SCHIP1: variants seen among roughly 807,000 people sequenced by gnomAD.
The protein encoded by SCHIP1 is schwannomin-interacting protein 1.
In SCHIP1, 8 loss-of-function variants were observed where a neutral mutation model predicts 29.7. The ratio of observed to expected loss-of-function variants is 0.27; its 90% confidence interval spans 0.16 to 0.49. The LOEUF (loss-of-function observed/expected upper bound fraction) is 0.49. Among genes scored for constraint, SCHIP1 ranks in the 20% least tolerant of loss-of-function variants. The pLI, the probability that SCHIP1 is intolerant of heterozygous loss-of-function variation, is 0.99. For synonymous variants in SCHIP1, 76 were observed against 94.9 expected, an observed-to-expected ratio of 0.80 and a Z score of 1.16; for missense variants, 193 against 294.6, an observed-to-expected ratio of 0.66 and a Z score of 2.52.
the SCHIP1 span, among the ~76,000 whole-genome samples, chr3:159,552,237 G>C: frequency 0.069 from 10,414 of 151,618 alleles, 408 homozygotes; most frequent in Middle Eastern, 0.12. Context: ...GTAGAGATAG[G>C]GTTTCACTAT....
chr3:159,831,900 TTGTA>T, the SCHIP1 span, among the ~76,000 whole-genome samples: 23,359 of 152,098 alleles, frequency 0.15, 1,876 homozygotes, highest in East Asian at 0.21. Context: ...GGGGGAATGA[TTGTA>T]TGTCTGTTTA....
At chr3:159,782,777 G>T in the SCHIP1 span, among the ~76,000 whole-genome samples, 1 of 152,214 alleles carries the variant, frequency 6.6e-6, no homozygotes, top group Non-Finnish European at 1.5e-5. Context: ...CTGATATCAA[G>T]CTAGCTGCTC....
intron 2 of SCHIP1, among the ~76,000 whole-genome samples, chr3:159,868,046 T>C (rs1714839222): frequency 7.4e-6 from 1 of 135,970 alleles, no homozygotes; most frequent in African/African-American, 2.6e-5. Context: ...TACACACACA[T>C]ATACCTATGT....
the SCHIP1 span, among the ~76,000 whole-genome samples, chr3:159,396,110 A>G: frequency 7.2e-6 from 1 of 138,358 alleles, no homozygotes; most frequent in Non-Finnish European, 1.6e-5. Context: ...TTGTTGGTTT[A>G]AAGTCTGTTT....
At chr3:159,331,572 C>T in the SCHIP1 span, among the ~76,000 whole-genome samples, 1 of 152,080 alleles carries the variant, frequency 6.6e-6, no homozygotes. Context: ...CTGGAGAATG[C>T]GCTACAGTGT....
the SCHIP1 span, among the ~76,000 whole-genome samples, chr3:159,534,818 G>A: frequency 6.6e-6 from 1 of 152,072 alleles, no homozygotes; most frequent in Non-Finnish European, 1.5e-5. Flanking sequence ...GTATTCAGTG[G>A]ATAATTTGGG....
chr3:159,637,422 C>CCT, the SCHIP1 span, among the ~76,000 whole-genome samples: 1 of 145,960 alleles, frequency 6.9e-6, no homozygotes, highest in Non-Finnish European at 1.5e-5. Flanking sequence ...CACACACACA[C>CCT]CTGACTCTTC....
At chr3:159,300,442 G>A in the SCHIP1 span, among the ~76,000 whole-genome samples, 214 of 152,134 alleles carry the variant, frequency 1.4e-3, no homozygotes, top group African/African-American at 4.7e-3. Context: ...TGCCTGCTAC[G>A]TTCAAAAAGC....
the SCHIP1 span, among the ~76,000 whole-genome samples, chr3:159,763,520 G>GC: frequency 3.0e-3 from 461 of 152,290 alleles, 1 homozygote; most frequent in Non-Finnish European, 5.2e-3. Flanking sequence ...AACGCCCAGT[G>GC]CCCCCTTCTT....
the SCHIP1 span, among the ~76,000 whole-genome samples, chr3:159,563,886 G>A: frequency 2.6e-5 from 4 of 152,062 alleles, no homozygotes; most frequent in Admixed American, 6.5e-5. Flanking sequence ...AAATCTAAAT[G>A]TCCTCTCACA....
At chr3:159,283,336 A>G in the SCHIP1 span, among the ~76,000 whole-genome samples, 2 of 152,008 alleles carry the variant, frequency 1.3e-5, no homozygotes, top group Non-Finnish European at 2.9e-5. Flanking sequence ...TATTCTCAGT[A>G]GAGACGAGGT....
At chr3:159,352,556 A>C in the SCHIP1 span, among the ~76,000 whole-genome samples, 1 of 152,140 alleles carries the variant, frequency 6.6e-6, no homozygotes. Flanking sequence ...CCAATTTTCC[A>C]AACTCTGTGT....
chr3:159,792,318 G>C, the SCHIP1 span, among the ~76,000 whole-genome samples: 1 of 152,180 alleles, frequency 6.6e-6, no homozygotes, highest in Non-Finnish European at 1.5e-5. Context: ...ACTTGGCTTT[G>C]AATTCCAGTT....
At chr3:159,418,704 T>C in the SCHIP1 span, among the ~76,000 whole-genome samples, 2 of 152,250 alleles carry the variant, frequency 1.3e-5, no homozygotes, top group Non-Finnish European at 2.9e-5. Flanking sequence ...TCAGACTTCA[T>C]TAGCTCTGAC....
the SCHIP1 span, among the ~76,000 whole-genome samples, chr3:159,302,007 C>G: frequency 6.6e-6 from 1 of 152,112 alleles, no homozygotes; most frequent in Non-Finnish European, 1.5e-5. Context: ...AAGTAGTTTT[C>G]ATTTTCATTT....
At chr3:159,466,224 G>A in the SCHIP1 span, among the ~76,000 whole-genome samples, 1 of 152,214 alleles carries the variant, frequency 6.6e-6, no homozygotes, top group African/African-American at 2.4e-5. Flanking sequence ...ATGAGACTTT[G>A]TAGTCCCAGC....
chr3:159,870,024 T>C (rs563992316), intron 2 of SCHIP1, among the ~76,000 whole-genome samples: 1 of 152,102 alleles, frequency 6.6e-6, no homozygotes, highest in Non-Finnish European at 1.5e-5. Flanking sequence ...CATTTGCTGC[T>C]GGTGAACAGA....
chr3:159,764,450 G>T, the SCHIP1 span: 1 of 1,590,470 alleles, frequency 6.3e-7, no homozygotes, highest in Non-Finnish European at 8.6e-7. This position sits in a 1 kb window ranked among gnomAD's most constrained non-coding sequence, Gnocchi z 6.1. Flanking sequence ...TAGGATTACC[G>T]AGAGGATGGG....
At chr3:159,832,351 C>A in the SCHIP1 span, among the ~76,000 whole-genome samples, 2 of 152,080 alleles carry the variant, frequency 1.3e-5, no homozygotes, top group South Asian at 4.2e-4. Flanking sequence ...AGCACCTGGC[C>A]CTTATTTTCT....
Sources: gnomAD v4.1 joint callset for allele counts (sites outside exome capture counted in the v4.1 genomes callset) on GRCh38, gnomAD v4.1.1 for gene constraint, Gnocchi (gnomAD v3.1) non-coding constraint, MANE v1.5 for transcripts, NCBI Gene and HGNC (gene_info 2026-07-23, HGNC 2026-07-21) for gene names.